PVT1: variants seen among roughly 807,000 people sequenced by gnomAD.
PVT1 encodes the protein Pvt1 oncogene, also known as CXCR4/PVT1 fusion.
At position 127,906,477 on chromosome 8, in the gene PVT1, T is replaced by G. The variant is rs190327620; in HGVS notation, n.782+15479T>G. Among the ~76,000 whole-genome samples the G allele has an allele frequency of 4.5e-3, 688 of 152,192 alleles. 29 individuals are homozygous for G. The highest frequency in any genetic ancestry group is 0.04 in the Admixed American group (604 of 15,276). On this transcript the variant is annotated intron_variant and non_coding_transcript_variant, in intron 3 of 10. Coordinates refer to ENST00000651587, the Ensembl canonical transcript of PVT1. ...AATGTTTAGATAGCACCGAAGATAA[T>G]GGTAAAAGGAGAAACTGGGGGTAGT... is the stretch of plus-strand genomic sequence containing the variant.
chr8:127,925,930 C>T (rs193174109), intron 3 of PVT1, among the ~76,000 whole-genome samples: 28 of 152,298 alleles, frequency 1.8e-4, no homozygotes, highest in South Asian at 4.1e-4. Flanking sequence ...CATGAGCCAC[C>T]GTGCCCAGGT....
chr8:128,042,889 A>C (rs1330084240), intron 4 of PVT1, among the ~76,000 whole-genome samples: 1 of 151,762 alleles, frequency 6.6e-6, no homozygotes, highest in African/African-American at 2.4e-5. Flanking sequence ...TCAGCCTCCC[A>C]AGTAGCTGGG....
intron 2 of PVT1, among the ~76,000 whole-genome samples, chr8:127,887,491 C>G (rs2129796463): frequency 6.6e-6 from 1 of 152,332 alleles, no homozygotes; most frequent in East Asian, 1.9e-4. Flanking sequence ...CCAGAACCTT[C>G]TTGAACTTTC....
intron 2 of PVT1, among the ~76,000 whole-genome samples, chr8:127,881,863 T>A (rs765315474): frequency 6.6e-6 from 1 of 152,070 alleles, no homozygotes; most frequent in Non-Finnish European, 1.5e-5. Context: ...TACCTCAGCC[T>A]CCTGAGTAGC....
At chr8:128,052,578 A>G (rs1813711899) in intron 4 of PVT1, among the ~76,000 whole-genome samples, 1 of 152,188 alleles carries the variant, frequency 6.6e-6, no homozygotes, top group Non-Finnish European at 1.5e-5. Flanking sequence ...GGAGACTACT[A>G]TTCTGCCATC....
chr8:127,856,343 G>A (rs1231438309), intron 2 of PVT1, among the ~76,000 whole-genome samples: 2 of 151,760 alleles, frequency 1.3e-5, no homozygotes, highest in Admixed American at 6.6e-5. Flanking sequence ...CTGTACATAC[G>A]TATATATTTT....
chr8:128,090,429 G>A (rs1814336000), intron 5 of PVT1, among the ~76,000 whole-genome samples: 1 of 152,194 alleles, frequency 6.6e-6, no homozygotes, highest in African/African-American at 2.4e-5. Flanking sequence ...AATTGGCAAT[G>A]GAGGGAAGAG....
chr8:127,947,783 T>C (rs1816442665), intron 3 of PVT1: 1 of 456,352 alleles, frequency 2.2e-6, no homozygotes. Context: ...CTGAATCTTG[T>C]GAAATAGTTA....
In PVT1 at chr8:127,932,594, T is replaced by C. The variant is rs1586442442; in HGVS notation, n.782+41596T>C. On this transcript the variant is annotated intron_variant and non_coding_transcript_variant, in intron 3 of 10. Transcript: ENST00000651587. ...GCATCACTGGACTCCCATTGAACTC[T>C]GTGCAGATTCGCTGTTCGTAGACAT... The C allele has an allele frequency of 3.3e-5, 13 of 398,622 alleles. No homozygotes were observed. The East Asian group carries it at 4.6e-4, about 14-fold the overall frequency. 24.7% of individuals were successfully genotyped at this position (398,622 alleles called of 1,614,324 possible). A position where few individuals can be genotyped will look rare whatever the true frequency, so the allele number is the denominator to read the frequency against.
At chr8:127,942,753 G>A (rs1328354941) in intron 3 of PVT1, among the ~76,000 whole-genome samples, 1 of 152,162 alleles carries the variant, frequency 6.6e-6, no homozygotes, top group Non-Finnish European at 1.5e-5. Context: ...TTTTCTTTCA[G>A]TGGGAAAGAC....
At chr8:128,087,924 A>AT (rs1563684018) in intron 5 of PVT1, among the ~76,000 whole-genome samples, 1 of 151,336 alleles carries the variant, frequency 6.6e-6, no homozygotes, top group African/African-American at 2.4e-5. Context: ...ACACCCGGCT[A>AT]TTTTTTGTGT....
chr8:128,024,408 A>G (rs895510879), intron 4 of PVT1, among the ~76,000 whole-genome samples: 1 of 152,134 alleles, frequency 6.6e-6, no homozygotes, highest in Non-Finnish European at 1.5e-5. Flanking sequence ...GGATGGTTTG[A>G]GCCCAGGAAT....
intron 2 of PVT1, among the ~76,000 whole-genome samples, chr8:127,833,329 C>T (rs1409593272): frequency 6.6e-6 from 1 of 152,184 alleles, no homozygotes; most frequent in African/African-American, 2.4e-5. Context: ...AATGTGGCTG[C>T]AGTGATGGTG....
chr8:127,950,869 G>A (rs948010922), intron 3 of PVT1, among the ~76,000 whole-genome samples: 4 of 152,068 alleles, frequency 2.6e-5, no homozygotes, highest in Non-Finnish European at 4.4e-5. Flanking sequence ...CACTCCATTG[G>A]GCAATCATAT....
intron 4 of PVT1, among the ~76,000 whole-genome samples, chr8:128,035,419 C>G (rs1813449869): frequency 1.3e-5 from 2 of 152,336 alleles, no homozygotes; most frequent in South Asian, 2.1e-4. Context: ...GCCCATCTGT[C>G]TCTGCTCTCA....
chr8:127,844,025 C>T (rs1815002822), intron 2 of PVT1, among the ~76,000 whole-genome samples: 1 of 151,894 alleles, frequency 6.6e-6, no homozygotes, highest in Non-Finnish European at 1.5e-5. Context: ...CTCTGTCACC[C>T]AGGCTGTAGT....
In PVT1 at chr8:127,978,822, G is replaced by T. The variant is rs111584241; in HGVS notation, n.783-10340G>T. Among the ~76,000 whole-genome samples the T allele has an allele frequency of 9.2e-3, 1,401 of 152,224 alleles. 8 individuals carry two copies. Among genetic ancestry groups the T allele is most frequent in the Non-Finnish European group, 0.016 (1,057 of 68,000 alleles). On this transcript the variant is annotated intron_variant and non_coding_transcript_variant, in intron 3 of 10. Transcript: ENST00000651587. ...TAATTTTTTTTGGAGACAAGGTTTT[G>T]CTTTGTTGCCTAGGCTGGAATGCAG...
At position 127,854,015 on chromosome 8, in the gene PVT1, A is replaced by G. The variant is rs796130660; in HGVS notation, n.373-36574A>G. On this transcript the variant is annotated intron_variant and non_coding_transcript_variant, in intron 2 of 10. Transcript: ENST00000651587. ...TCCTCTGCCCCCAGCCCCACGTGCC[A>G]ACTTGTTTCAGCCTGGCAAGGAGGC... 8.8e-4 allele frequency among the ~76,000 whole-genome samples: 133 copies of G among 151,798 alleles called. 1 individual carries two copies. Among genetic ancestry groups the G allele is most frequent in the African/African-American group, 3.0e-3 (122 of 41,346 alleles).
intron 3 of PVT1, among the ~76,000 whole-genome samples, chr8:127,955,123 G>A (rs752225259): frequency 6.6e-6 from 1 of 152,134 alleles, no homozygotes; most frequent in Non-Finnish European, 1.5e-5. Context: ...TTAGAATTAG[G>A]CTATTAGGGT....
Sources: allele counts gnomAD v4.1 joint callset (sites outside exome capture counted in the v4.1 genomes callset), GRCh38; gene constraint gnomAD v4.1.1; transcripts MANE v1.5; gene names NCBI Gene and HGNC (gene_info 2026-07-23, HGNC 2026-07-21).